ALS2: variants seen among roughly 807,000 people sequenced by gnomAD.
ALS2 encodes alsin Rho guanine nucleotide exchange factor ALS2, also known as alsin.
ALS2 carries 117 observed loss-of-function variants against 203.4 expected under a neutral mutation model. The ratio of observed to expected loss-of-function variants is 0.58; its 90% CI spans 0.50 to 0.67. ALS2 has a LOEUF of 0.67. Ranked by LOEUF, ALS2 falls within the 30% of genes least tolerant of loss-of-function variation. The pLI is 0.00. For missense variants in ALS2, 1,715 were observed against 1,989.4 expected (o/e 0.86, Z 2.62); for synonymous variants, 718 against 725.9 (o/e 0.99, Z 0.17).
rs576164468 is a variant in ALS2, at chr2:201,734,467, C to CAAAAAAAAAAAA, written c.2418-1041_2418-1030dup. 6.5e-4 allele frequency among the ~76,000 whole-genome samples: 86 copies of CAAAAAAAAAAAA among 132,364 alleles called. 3 individuals carry two copies. Among genetic ancestry groups the CAAAAAAAAAAAA allele is most frequent in the African/African-American group, 2.0e-3 (72 of 35,408 alleles). 86.8% of individuals were successfully genotyped at this position (132,364 alleles called of 152,430 possible). A position where few individuals can be genotyped will look rare whatever the true frequency, so the allele number is the denominator to read the frequency against. On this transcript the variant is annotated intron_variant, in intron 12 of 33. Coordinates refer to ENST00000264276, the MANE Select transcript of ALS2 (RefSeq NM_020919.4). ...ACCAGCCCGGGTGACCAGCCTGTCT[C>CAAAAAAAAAAAA]AAAAAAAAAAAAAGATCTTAGATAA...
intron 4 of ALS2, chr2:201,759,977 A>C: frequency 1.0e-6 from 1 of 983,868 alleles, no homozygotes; most frequent in Non-Finnish European, 1.2e-6. Flanking sequence ...ACTGATAAAC[A>C]ACTTTTGTTC....
intron 8 of ALS2, among the ~76,000 whole-genome samples, chr2:201,749,218 TAA>T (rs11308291): frequency 6.2e-4 from 91 of 147,188 alleles, no homozygotes; most frequent in Admixed American, 6.7e-4. Context: ...CATCTAACAG[TAA>T]AAAAAAAAAA....
Position 201,749,685 on chromosome 2 carries a change from A to T in ALS2, c.1815+27T>A, listed in dbSNP as rs571506563. On this transcript the variant is annotated intron_variant, in intron 8 of 33. Transcript: ENST00000264276. Reference sequence around the variant, plus strand: ...GTGTTACAGCTAAGAATTGTGGAATAAGTTGCTATCAAGTTCACAAAAGTA... The same window carrying T: ...GTGTTACAGCTAAGAATTGTGGAATTAGTTGCTATCAAGTTCACAAAAGTA... The T allele has an allele frequency of 2.5e-6, 4 of 1,572,832 alleles. No homozygotes were observed. The South Asian group carries it at 4.4e-5, about 17-fold the overall frequency.
At chr2:201,708,641 A>G (rs1158635754) in intron 27 of ALS2, among the ~76,000 whole-genome samples, 1 of 152,164 alleles carries the variant, frequency 6.6e-6, no homozygotes, top group Non-Finnish European at 1.5e-5. Flanking sequence ...AACTTGCTGA[A>G]AATTAATTTT....
intron 33 of ALS2, among the ~76,000 whole-genome samples, chr2:201,702,169 AGACACCACAATTTGCCATTACTGATTG>A (rs1312497655): frequency 6.6e-6 from 1 of 151,540 alleles, no homozygotes; most frequent in African/African-American, 2.4e-5. Flanking sequence ...TCACATGCAG[AGACACCACAATTTGCCATTACTGATTG>A]GACATTTAGA....
chr2:201,706,980 TAGC>T lies in ALS2; in HGVS notation c.4443_4445del (p.Leu1482del). 6.2e-7 allele frequency: 1 copy of T among 1,613,944 alleles called. No individual in the cohort carries two copies. The highest frequency in any genetic ancestry group is 8.5e-7 in the Non-Finnish European group (1 of 1,179,928). On this transcript the variant is annotated inframe_deletion, in exon 29 of 34. Coordinates refer to ENST00000264276, the MANE Select transcript of ALS2 (RefSeq NM_020919.4). ...TAAACAGCGGTGGGTAGAGCCGAGG[TAGC>T]AGCACAGGAAGCAATAATCCAGAAC...
At chr2:201,766,076 C>G (rs1288593399) in intron 3 of ALS2, among the ~76,000 whole-genome samples, 1 of 152,198 alleles carries the variant, frequency 6.6e-6, no homozygotes, top group Non-Finnish European at 1.5e-5. Context: ...TCTACTAACA[C>G]ATGGGGCTTA....
At chr2:201,732,526 C>T (rs1261205512) in intron 13 of ALS2, among the ~76,000 whole-genome samples, 1 of 152,052 alleles carries the variant, frequency 6.6e-6, no homozygotes, top group Non-Finnish European at 1.5e-5. Flanking sequence ...CAAGATTGCG[C>T]CACTGCACTC....
At chr2:201,704,720 G>A in intron 31 of ALS2, 117 bp from the exon 32 acceptor site, 1 of 1,163,394 alleles carries the variant, frequency 8.6e-7, no homozygotes, top group Non-Finnish European at 1.3e-6. Context: ...CGGACACTTA[G>A]GCATTATGAG....
chr2:201,716,967 A>C (rs562110014), intron 24 of ALS2, among the ~76,000 whole-genome samples: 6 of 152,272 alleles, frequency 3.9e-5, no homozygotes, highest in Admixed American at 1.3e-4. Flanking sequence ...TATGCCAAAA[A>C]CTGTCCACTT....
At chr2:201,780,107 T>C (rs1291903677) in intron 1 of ALS2, 2 of 152,228 alleles carry the variant, frequency 1.3e-5, no homozygotes, top group African/African-American at 2.4e-5. Flanking sequence ...AAAGCACTGT[T>C]CTTGGATATG....
At chr2:201,727,619 C>G (rs1326786274) in intron 16 of ALS2, 86 bp downstream of exon 16, 4 of 1,226,986 alleles carry the variant, frequency 3.3e-6, no homozygotes, top group East Asian at 5.1e-5. Context: ...GTCTCCGAAG[C>G]CTTCCTGAGC....
intron 24 of ALS2, 99 bp from the exon 25 acceptor site, chr2:201,715,938 C>T (rs1690363946): frequency 5.9e-6 from 8 of 1,352,016 alleles, no homozygotes; most frequent in Admixed American, 5.1e-5. Flanking sequence ...ATGCTTTTTT[C>T]GTGACCAAAA....
At chr2:201,744,638 C>T (rs1015382502) in intron 9 of ALS2, among the ~76,000 whole-genome samples, 1 of 151,798 alleles carries the variant, frequency 6.6e-6, no homozygotes, top group Non-Finnish European at 1.5e-5. Flanking sequence ...TTGGGGGGGT[C>T]GTCGGGGTCG....
chr2:201,710,261 T>A (rs1426873671), intron 26 of ALS2, among the ~76,000 whole-genome samples: 1 of 152,068 alleles, frequency 6.6e-6, no homozygotes, highest in Non-Finnish European at 1.5e-5. Flanking sequence ...CCTTAACATT[T>A]TGGGCAAATA....
intron 1 of ALS2, among the ~76,000 whole-genome samples, chr2:201,772,188 T>C (rs970595): frequency 0.38 from 57,250 of 152,060 alleles, 13,423 homozygotes; most frequent in Non-Finnish European, 0.51. Context: ...CTCCACTGGA[T>C]ACACATCCTT....
chr2:201,771,500 G>T (rs1425766448), intron 1 of ALS2, among the ~76,000 whole-genome samples: 1 of 152,170 alleles, frequency 6.6e-6, no homozygotes, highest in African/African-American at 2.4e-5. Flanking sequence ...TAAATGTGGG[G>T]ATCTTATGTT....
intron 12 of ALS2, among the ~76,000 whole-genome samples, chr2:201,733,814 T>C (rs529410243): frequency 3.3e-5 from 5 of 152,224 alleles, no homozygotes; most frequent in Non-Finnish European, 7.3e-5. Flanking sequence ...TCTAGGCAGC[T>C]GTGCTAAATA....
Position 201,715,821 on chromosome 2 carries a change from C to G in ALS2, c.3855G>C (p.Leu1285=). The part of the protein sequence containing the change: ...RPKVFRKLGN[L]AVPADEKWKA... ...TCCACTTCTCATCAGCTGGCACTGC[C>G]AGGTTTCCTAGCTTCCTGCTAATAA... Residue 1285 remains leucine (L), a synonymous_variant, in exon 25 of 34, where the codon CTG becomes CTC. Transcript: ENST00000264276. 1 of 1,614,192 alleles carries G rather than the reference C, an allele frequency of 6.2e-7. No homozygotes were observed. The highest frequency in any genetic ancestry group is 1.3e-5 in the African/African-American group (1 of 75,042).
Sources: allele counts gnomAD v4.1 joint callset (sites outside exome capture counted in the v4.1 genomes callset), GRCh38; gene constraint gnomAD v4.1.1; transcripts MANE v1.5; gene names NCBI Gene and HGNC (gene_info 2026-07-23, HGNC 2026-07-21).